The following SAMD4A variants were observed in gnomAD, a reference collection of about 807,000 sequenced individuals.
SAMD4A encodes sterile alpha motif domain containing 4A, also known as protein Smaug homolog 1.
Under a neutral mutation model 81.3 loss-of-function variants are expected in SAMD4A, and 33 were observed. The observed-to-expected ratio is 0.41, with a 90% CI of 0.31 to 0.54. The LOEUF is 0.54. SAMD4A is among the 20% of genes least tolerant of loss of function. The probability of loss-of-function intolerance (pLI) is 0.37; values close to 1 mark genes in which losing one functional copy is unlikely to be tolerated. For synonymous variants in SAMD4A, 389 were observed against 382.1 expected (o/e 1.02, Z -0.21); for missense variants, 854 against 951.1 (o/e 0.90, Z 1.34).
chr14:54,594,964 T>C (rs1207522458), intron 2 of SAMD4A, among the ~76,000 whole-genome samples: 1 of 152,230 alleles, frequency 6.6e-6, no homozygotes, highest in Admixed American at 6.5e-5. Flanking sequence ...AACAGGACTT[T>C]AAATAATGAA....
chr14:54,684,914 A>C (rs2036221855), intron 2 of SAMD4A, among the ~76,000 whole-genome samples: 1 of 152,198 alleles, frequency 6.6e-6, no homozygotes, highest in South Asian at 2.1e-4. Context: ...TCCACCATTC[A>C]GTTCTGGGTA....
chr14:54,626,055 TGTGTGC>T lies in SAMD4A; in HGVS notation c.196+57945_196+57950del, dbSNP rs1391411622. On this transcript the variant is annotated intron_variant, in intron 2 of 12. Coordinates refer to ENST00000554335, the MANE Select transcript of SAMD4A (RefSeq NM_015589.6). ...GTGTGTGTGTGTGTGTGTGTGTGTG[TGTGTGC>T]GCGCGCGCGCGCGCGAGTGCGCACA... 3.5e-4 allele frequency among the ~76,000 whole-genome samples: 38 copies of T among 108,322 alleles called. No homozygotes were observed. In the East Asian group the frequency reaches 5.4e-3, roughly 15 times the overall value. 71.1% of individuals were successfully genotyped at this position (108,322 alleles called of 152,430 possible).
At chr14:54,740,424 A>G (rs2037817796) in intron 4 of SAMD4A, among the ~76,000 whole-genome samples, 2 of 152,248 alleles carry the variant, frequency 1.3e-5, no homozygotes, top group Non-Finnish European at 2.9e-5. Flanking sequence ...AATTTGGAAG[A>G]GTTCTCAAAT....
At chr14:54,598,287 A>G (rs1292273492) in intron 2 of SAMD4A, among the ~76,000 whole-genome samples, 2 of 152,216 alleles carry the variant, frequency 1.3e-5, no homozygotes, top group African/African-American at 2.4e-5. Context: ...AGCTAATCCC[A>G]TATTGCCCTG....
At chr14:54,674,665 A>T (rs971878882) in intron 2 of SAMD4A, among the ~76,000 whole-genome samples, 1 of 152,238 alleles carries the variant, frequency 6.6e-6, no homozygotes, top group African/African-American at 2.4e-5. Context: ...GAATCTATTG[A>T]CATTCTTATC....
chr14:54,677,691 G>T (rs1438568234), intron 2 of SAMD4A, among the ~76,000 whole-genome samples: 1 of 152,218 alleles, frequency 6.6e-6, no homozygotes, highest in Non-Finnish European at 1.5e-5. Context: ...GAAGATTTTT[G>T]TGGGGCAGAT....
chr14:54,741,947 T>C (rs542906442), intron 4 of SAMD4A, among the ~76,000 whole-genome samples: 1 of 152,230 alleles, frequency 6.6e-6, no homozygotes, highest in East Asian at 1.9e-4. Context: ...CAAAGGACAT[T>C]CTCTTTTATC....
At chr14:54,704,104 G>A (rs773804281) in intron 3 of SAMD4A, among the ~76,000 whole-genome samples, 9 of 152,136 alleles carry the variant, frequency 5.9e-5, no homozygotes, top group Non-Finnish European at 1.3e-4. Context: ...TTTCCATTTA[G>A]ATATGGTTAA....
intron 2 of SAMD4A, among the ~76,000 whole-genome samples, chr14:54,644,002 G>A (rs543370662): frequency 8.5e-5 from 13 of 152,266 alleles, no homozygotes; most frequent in Admixed American, 2.6e-4. Flanking sequence ...TGCTTATTGC[G>A]GACAGCTGGG....
At chr14:54,765,492 G>T (rs1314494082) in intron 8 of SAMD4A, among the ~76,000 whole-genome samples, 2 of 150,042 alleles carry the variant, frequency 1.3e-5, no homozygotes, top group African/African-American at 2.5e-5. Flanking sequence ...GTGTGGTGGC[G>T]CACACCTGTA....
Position 54,786,353 on chromosome 14 carries a change from A to T in SAMD4A, c.2128+1733A>T, listed in dbSNP as rs138814133. ...TGGCTGAAGGGAGGAGGATGCAAAT[A>T]TTCTGGAATTAGATAGTGGTGAGGG... On this transcript the variant is annotated intron_variant, in intron 12 of 12. Coordinates refer to ENST00000554335, the MANE Select transcript of SAMD4A (RefSeq NM_015589.6). 6.1e-4 allele frequency among the ~76,000 whole-genome samples: 93 copies of T among 152,364 alleles called. No homozygotes were observed. In the East Asian group the frequency reaches 0.014, roughly 23 times the overall value.
At chr14:54,741,945 A>G (rs2037853755) in intron 4 of SAMD4A, among the ~76,000 whole-genome samples, 1 of 152,218 alleles carries the variant, frequency 6.6e-6, no homozygotes, top group Non-Finnish European at 1.5e-5. Flanking sequence ...TGCAAAGGAC[A>G]TTCTCTTTTA....
intron 4 of SAMD4A, among the ~76,000 whole-genome samples, chr14:54,742,886 C>T (rs1368459960): frequency 6.6e-6 from 1 of 152,214 alleles, no homozygotes; most frequent in Non-Finnish European, 1.5e-5. Context: ...TGTTGTTTGC[C>T]TTTTCTAAGG....
intron 2 of SAMD4A, among the ~76,000 whole-genome samples, chr14:54,592,499 G>A (rs1003589205): frequency 1.3e-5 from 2 of 151,594 alleles, no homozygotes; most frequent in East Asian, 1.9e-4. Flanking sequence ...TCGCTCTGTC[G>A]CCCAGGCTGG....
chr14:54,678,673 T>C lies in SAMD4A; in HGVS notation c.197-23389T>C, dbSNP rs974333323. 7.9e-5 allele frequency among the ~76,000 whole-genome samples: 12 copies of C among 151,836 alleles called. 1 individual carries two copies. Among genetic ancestry groups the C allele is most frequent in the Middle Eastern group, 6.8e-3 (2 of 292 alleles). On this transcript the variant is annotated intron_variant, in intron 2 of 12. Coordinates refer to ENST00000554335, the MANE Select transcript of SAMD4A (RefSeq NM_015589.6). ...ACGCCATTCTCCTGCCTCAGCCTCCTGAGTAGCTGGGACTACAGGCGCCCG... is the reference window on the plus strand; with the variant it reads ...ACGCCATTCTCCTGCCTCAGCCTCCCGAGTAGCTGGGACTACAGGCGCCCG...
intron 2 of SAMD4A, among the ~76,000 whole-genome samples, chr14:54,672,878 G>A (rs1034051131): frequency 1.3e-5 from 2 of 152,158 alleles, no homozygotes; most frequent in Non-Finnish European, 1.5e-5. Context: ...ATCTTCCCAC[G>A]AAGTGACTAA....
intron 11 of SAMD4A, among the ~76,000 whole-genome samples, chr14:54,781,649 C>T (rs983695792): frequency 3.9e-5 from 6 of 152,178 alleles, no homozygotes; most frequent in Non-Finnish European, 5.9e-5. Context: ...TCTCCATCTG[C>T]CTGGTCTGTG....
At chr14:54,710,395 G>A (rs1182740567) in intron 3 of SAMD4A, among the ~76,000 whole-genome samples, 1 of 152,094 alleles carries the variant, frequency 6.6e-6, no homozygotes, top group African/African-American at 2.4e-5. Flanking sequence ...CCTCATGATG[G>A]TGGGTATTAT....
At chr14:54,570,646 T>G (rs1233581964) in intron 2 of SAMD4A, among the ~76,000 whole-genome samples, 1 of 152,332 alleles carries the variant, frequency 6.6e-6, no homozygotes, top group Middle Eastern at 3.4e-3. Context: ...AACCCTCAAT[T>G]GACCTTGTAG....
Sources: allele counts gnomAD v4.1 joint callset (sites outside exome capture counted in the v4.1 genomes callset), GRCh38; gene constraint gnomAD v4.1.1; transcripts MANE v1.5; gene names NCBI Gene and HGNC (gene_info 2026-07-23, HGNC 2026-07-21).